SAFB: variants seen among roughly 807,000 people sequenced by gnomAD.
SAFB encodes scaffold attachment factor B1.
A neutral mutation model predicts 101.6 loss-of-function variants in SAFB; 15 were observed. The ratio of observed to expected loss-of-function variants is 0.15; its 90% CI spans 0.10 to 0.23. The LOEUF is 0.23. Among genes scored for constraint, SAFB ranks in the 10% least tolerant of loss-of-function variants. The probability of loss-of-function intolerance (pLI) is 1.00; values close to 1 mark genes in which losing one functional copy is unlikely to be tolerated. For synonymous variants in SAFB, 449 were observed against 407.5 expected (o/e 1.10, Z -1.23); for missense variants, 930 against 1,104.1 (o/e 0.84, Z 2.23).
rs1181626965 is a variant in SAFB at position 5,668,392 on chromosome 19, A to G, written c.*101A>G. The G allele has an allele frequency of 5.4e-6, 7 of 1,284,874 alleles. No homozygotes were observed. The African/African-American group carries it at 7.9e-5, about 15-fold the overall frequency. 79.6% of individuals were successfully genotyped at this position (1,284,874 alleles called of 1,614,324 possible). Reference sequence around the variant, plus strand: ...ATATTTTTTTTTAATCTGCTGCCATATTGTAGCTCAATACAATGTGAATTT... The same window carrying G: ...ATATTTTTTTTTAATCTGCTGCCATGTTGTAGCTCAATACAATGTGAATTT... On this transcript the variant is annotated 3_prime_UTR_variant, in exon 21 of 21. Transcript: ENST00000588852.
chr19:5,631,964 G>T (rs965222735), intron 2 of SAFB, among the ~76,000 whole-genome samples: 3 of 152,146 alleles, frequency 2.0e-5, no homozygotes, highest in Admixed American at 2.0e-4. Context: ...GGAGGATCAC[G>T]TGAGTCCAGG....
rs201704699 is a variant in SAFB, at chr19:5,652,140, C to T, written c.1294-975C>T. 7.9e-5 allele frequency among the ~76,000 whole-genome samples: 12 copies of T among 152,160 alleles called. No individual in the cohort carries two copies. The East Asian group carries it at 2.3e-3, about 29-fold the overall frequency. The stretch of plus-strand genomic sequence containing the variant: ...CCCAGGAGGTGGAGGTTGCAGTGAC[C>T]CGAGACCGTGCCACTGCACTCCAGC... On this transcript the variant is annotated intron_variant, in intron 9 of 20. Coordinates refer to ENST00000588852, the MANE Select transcript of SAFB (RefSeq NM_001201338.2).
At chr19:5,639,386 G>A (rs188874085) in intron 2 of SAFB, among the ~76,000 whole-genome samples, 1 of 152,218 alleles carries the variant, frequency 6.6e-6, no homozygotes, top group Admixed American at 6.5e-5. Flanking sequence ...ACAATTAATA[G>A]CTTGGCCACA....
chr19:5,650,556 C>T (rs1409381850), intron 8 of SAFB, among the ~76,000 whole-genome samples: 1 of 152,102 alleles, frequency 6.6e-6, no homozygotes, highest in Non-Finnish European at 1.5e-5. Flanking sequence ...GGATTATAAG[C>T]GCCCGCCACC....
intron 4 of SAFB, among the ~76,000 whole-genome samples, chr19:5,642,713 A>AG (rs1215185262): frequency 2.6e-5 from 3 of 114,792 alleles, no homozygotes; most frequent in Non-Finnish European, 1.6e-5. Flanking sequence ...CCCAGGCTGG[A>AG]GTGCAGTGGC....
intron 2 of SAFB, among the ~76,000 whole-genome samples, chr19:5,627,551 C>A (rs1186391210): frequency 6.6e-6 from 1 of 152,162 alleles, no homozygotes; most frequent in Non-Finnish European, 1.5e-5. Context: ...TTTAACATTT[C>A]TTTTAAAAGC....
At chr19:5,645,869 TTTTTTGTTTTGTTTTGTTTTG>T (rs1263629404) in intron 5 of SAFB, among the ~76,000 whole-genome samples, 1 of 152,084 alleles carries the variant, frequency 6.6e-6, no homozygotes, top group Non-Finnish European at 1.5e-5. Context: ...TTGGGAAGTT[TTTTTTGTTTTGTTTTGTTTTG>T]TTTTTGTTTT....
In SAFB at chr19:5,667,109, G is replaced by T. The variant is rs1013120556; in HGVS notation, c.2398G>T (p.Gly800Cys). 19 of 1,612,716 alleles carry T rather than the reference G, an allele frequency of 1.2e-5. No homozygotes were observed. Among genetic ancestry groups the T allele is most frequent in the African/African-American group, 4.0e-5 (3 of 74,930 alleles). ...HGRDSRDGWGGYGSDKRMSEG... is the reference protein window; with the variant it reads ...HGRDSRDGWGCYGSDKRMSEG... ...CCGGGACTCCCGCGATGGCTGGGGG[G>T]GCTATGGCTCTGACAAGAGGATGAG... The change falls in exon 18 of 21, where the codon GGC becomes TGC. Residue 800 changes from glycine (G) to cysteine (C), a missense_variant. Physicochemically the swap from Gly to Cys is radical, Grantham distance 159. Around this residue, in one of 7 missense-constraint regions of SAFB, gnomAD observed 318 missense variants for 342.6 expected, o/e 0.93. Coordinates refer to ENST00000588852, the MANE Select transcript of SAFB (RefSeq NM_001201338.2). The surrounding 1 kb of genome is among the most constrained non-coding windows in gnomAD (Gnocchi z 4.0).
chr19:5,624,058 C>T (rs1449408585), intron 1 of SAFB: 1 of 151,874 alleles, frequency 6.6e-6, no homozygotes, highest in Admixed American at 6.6e-5. Flanking sequence ...GAGGGGAGAC[C>T]CCGGGTGGAC....
intron 2 of SAFB, among the ~76,000 whole-genome samples, chr19:5,631,315 A>G (rs2053485597): frequency 6.6e-6 from 1 of 152,242 alleles, no homozygotes. Context: ...TATTAGTTTT[A>G]CCCATTCTAG....
chr19:5,623,390 A>G lies in SAFB; in HGVS notation c.185A>G (p.Lys62Arg), dbSNP rs754762320. 3.1e-6 allele frequency: 5 copies of G among 1,613,130 alleles called. No homozygotes were observed. In the East Asian group the frequency reaches 6.7e-5, roughly 22 times the overall value. The change falls in exon 1 of 21, where the codon AAG becomes AGG. Residue 62 changes from lysine to arginine, a missense_variant. Transcript: ENST00000588852. ...AAGAGCGTTTTGATGGAGCGGCTGAAGAAGGTGGATTTGGGGCCCCGAGGG... is the reference window on the plus strand; with the variant it reads ...AAGAGCGTTTTGATGGAGCGGCTGAGGAAGGTGGATTTGGGGCCCCGAGGG... ...GNKSVLMERLKKAIEDEGGNP... is the reference protein window; with the variant it reads ...GNKSVLMERLRKAIEDEGGNP...
Position 5,664,130 on chromosome 19 carries a change from C to T in SAFB, c.2262C>T (p.Arg754=), listed in dbSNP as rs200832510. 1.5e-5 allele frequency: 25 copies of T among 1,613,948 alleles called. No homozygotes were observed. Among genetic ancestry groups the T allele is most frequent in the African/African-American group, 2.7e-5 (2 of 75,054 alleles). ...TCCACGACTTTGACCACAGGGACCG[C>T]GGCCGCTACCCCGACCACTCGGTGG... ...DRFHDFDHRD[R]GRYPDHSVDR... Residue 754 remains arginine (R), a synonymous_variant, in exon 16 of 21, where the codon CGC becomes CGT. Transcript: ENST00000588852.
chr19:5,661,862 C>A, intron 15 of SAFB, 54 bp downstream of exon 15: 5 of 1,230,466 alleles, frequency 4.1e-6, no homozygotes, highest in Non-Finnish European at 4.4e-6. Flanking sequence ...GTGTTAGGGA[C>A]CTCACAGTCC....
chr19:5,655,720 G>T (rs897151349), intron 13 of SAFB, among the ~76,000 whole-genome samples: 1 of 152,128 alleles, frequency 6.6e-6, no homozygotes, highest in African/African-American at 2.4e-5. Context: ...CAGTCTCTGT[G>T]TGCCAGTATT....
chr19:5,623,697 C>T (rs971769446), intron 1 of SAFB, among the ~76,000 whole-genome samples: 3 of 152,086 alleles, frequency 2.0e-5, no homozygotes, highest in East Asian at 3.9e-4. Context: ...TCGTCCCCTC[C>T]TCCGTACCTG....
intron 14 of SAFB, among the ~76,000 whole-genome samples, chr19:5,659,801 C>T (rs1363194892): frequency 6.6e-6 from 1 of 152,164 alleles, no homozygotes; most frequent in African/African-American, 2.4e-5. Flanking sequence ...GGGGCCCCCA[C>T]AGGAGCCTGC....
intron 16 of SAFB, 47 bp from the exon 17 acceptor site, chr19:5,664,350 A>G (rs1262050727): frequency 1.3e-6 from 2 of 1,567,964 alleles, no homozygotes; most frequent in African/African-American, 2.7e-5. Flanking sequence ...CTCTTTGTGA[A>G]CAAGCCTCTT....
chr19:5,640,009 G>GT, intron 2 of SAFB, among the ~76,000 whole-genome samples: 1 of 151,616 alleles, frequency 6.6e-6, no homozygotes, highest in African/African-American at 2.4e-5. Flanking sequence ...GGCTAATTTT[G>GT]TTTTTTGTTT....
At chr19:5,638,856 A>G (rs756560278) in intron 2 of SAFB, among the ~76,000 whole-genome samples, 3 of 151,346 alleles carry the variant, frequency 2.0e-5, no homozygotes, top group Non-Finnish European at 4.4e-5. Flanking sequence ...CCAAGCTGGG[A>G]TTACAGGCGC....
Sources: allele counts gnomAD v4.1 joint callset (sites outside exome capture counted in the v4.1 genomes callset), GRCh38; gene constraint gnomAD v4.1.1; regional missense constraint gnomAD v4.1.1; non-coding constraint Gnocchi (gnomAD v3.1); transcripts MANE v1.5; gene names NCBI Gene and HGNC (gene_info 2026-07-23, HGNC 2026-07-21).